Variants in FOXN3 observed in about 807,000 individuals in gnomAD.
FOXN3 encodes forkhead box protein N3.
A neutral mutation model predicts 38.4 loss-of-function variants in FOXN3; 7 were observed. The ratio of observed to expected loss-of-function variants is 0.18; its 90% confidence interval spans 0.10 to 0.34. The LOEUF (loss-of-function observed/expected upper bound fraction) is 0.34. Ranked by LOEUF, FOXN3 falls within the 10% of genes least tolerant of loss-of-function variation. The pLI is 1.00. For synonymous variants in FOXN3, 230 were observed against 242.2 expected, an observed-to-expected ratio of 0.95 and a Z score of 0.47; for missense variants, 456 against 613.4, an observed-to-expected ratio of 0.74 and a Z score of 2.71.
At chr14:89,223,741 G>T (rs541868825) in intron 4 of FOXN3, among the ~76,000 whole-genome samples, 3 of 152,136 alleles carry the variant, frequency 2.0e-5, no homozygotes, top group Non-Finnish European at 4.4e-5. Flanking sequence ...TGGAAGTCAG[G>T]GGGAGAGGCG....
intron 3 of FOXN3, among the ~76,000 whole-genome samples, chr14:89,325,345 A>ACTACCACCACTACCACCACCG (rs1888042253): frequency 7.6e-6 from 1 of 131,148 alleles, no homozygotes; most frequent in African/African-American, 2.8e-5. Flanking sequence ...CACCACCACC[A>ACTACCACCACTACCACCACCG]CCACCACCAC....
chr14:89,198,018 A>G (rs1478168877), intron 4 of FOXN3, among the ~76,000 whole-genome samples: 2 of 152,190 alleles, frequency 1.3e-5, no homozygotes, highest in African/African-American at 4.8e-5. Flanking sequence ...TGAAGAAAAA[A>G]TACAGTCAGC....
intron 1 of FOXN3, among the ~76,000 whole-genome samples, chr14:89,507,320 G>C (rs1893964063): frequency 6.6e-6 from 1 of 152,128 alleles, no homozygotes. Flanking sequence ...CAGGCAATCG[G>C]AGCTATCGAG....
chr14:89,558,763 G>C (rs2139875319), intron 1 of FOXN3, among the ~76,000 whole-genome samples: 1 of 152,310 alleles, frequency 6.6e-6, no homozygotes, highest in Admixed American at 6.5e-5. Flanking sequence ...CCAGAGGTGA[G>C]CAAGGAGCAG....
At chr14:89,430,550 C>G (rs902450952) in intron 1 of FOXN3, among the ~76,000 whole-genome samples, 1 of 152,198 alleles carries the variant, frequency 6.6e-6, no homozygotes, top group Non-Finnish European at 1.5e-5. Flanking sequence ...ACTGTCACTA[C>G]TAAAAGCATT....
chr14:89,611,769 G>A (rs187398736), intron 1 of FOXN3, among the ~76,000 whole-genome samples: 16 of 141,888 alleles, frequency 1.1e-4, no homozygotes, highest in Admixed American at 8.7e-4. Context: ...TCGTGCCACT[G>A]CACTCCAGCC....
intron 1 of FOXN3, among the ~76,000 whole-genome samples, chr14:89,542,851 T>C (rs1016270200): frequency 2.0e-5 from 3 of 152,216 alleles, no homozygotes; most frequent in African/African-American, 4.8e-5. Context: ...ATTATTAAAA[T>C]TGCATTTCAG....
chr14:89,508,864 C>A (rs374153540), intron 1 of FOXN3, among the ~76,000 whole-genome samples: 8 of 152,298 alleles, frequency 5.3e-5, no homozygotes, highest in African/African-American at 1.9e-4. Context: ...TGGAACAGCA[C>A]CACTGTGCCC....
intron 1 of FOXN3, among the ~76,000 whole-genome samples, chr14:89,598,191 C>T (rs1197300195): frequency 6.6e-6 from 1 of 152,104 alleles, no homozygotes; most frequent in African/African-American, 2.4e-5. Context: ...ACTTCATTAA[C>T]TTCTTTGGAT....
rs545620138 is a variant in FOXN3 at position 89,431,340 on chromosome 14, A to G, written c.-14-18850T>C. Among the ~76,000 whole-genome samples the G allele has an allele frequency of 1.5e-3, 232 of 152,014 alleles. No homozygotes were observed. The Middle Eastern group carries it at 0.034, about 22-fold the overall frequency. The stretch of plus-strand genomic sequence containing the variant: ...ATTCTCCTGCCTTAGCCTCCCAAGT[A>G]ACTGGGATGACAGGCGCCCACCACC... On this transcript the variant is annotated intron_variant, in intron 1 of 6. Coordinates refer to the FOXN3 transcript ENST00000345097.
chr14:89,350,227 G>A (rs1888913905), intron 3 of FOXN3: 2 of 152,816 alleles, frequency 1.3e-5, no homozygotes, highest in Admixed American at 1.3e-4. Context: ...TGGTCACCTG[G>A]GAGCACCGTC....
intron 1 of FOXN3, among the ~76,000 whole-genome samples, chr14:89,498,463 C>T (rs150320352): frequency 1.2e-3 from 188 of 152,064 alleles, no homozygotes; most frequent in African/African-American, 4.1e-3. Context: ...CCTTGTGATC[C>T]GCCCGCCTCT....
intron 4 of FOXN3, among the ~76,000 whole-genome samples, chr14:89,267,834 G>A (rs1886029658): frequency 6.6e-6 from 1 of 151,868 alleles, no homozygotes; most frequent in African/African-American, 2.4e-5. Flanking sequence ...GCCGTGGCAG[G>A]GGGTGAACAC....
intron 5 of FOXN3, among the ~76,000 whole-genome samples, chr14:89,175,986 A>G (rs900556040): frequency 2.6e-5 from 4 of 152,074 alleles, no homozygotes; most frequent in African/African-American, 9.7e-5. Context: ...GGTTCCATTC[A>G]ATGCAATCTC....
intron 1 of FOXN3, among the ~76,000 whole-genome samples, chr14:89,462,316 G>T (rs1892863971): frequency 6.6e-6 from 1 of 152,150 alleles, no homozygotes; most frequent in African/African-American, 2.4e-5. Context: ...ACTGTCAAAA[G>T]CCACCTCACC....
chr14:89,427,267 G>GA (rs1892057020), intron 1 of FOXN3, among the ~76,000 whole-genome samples: 1 of 116,570 alleles, frequency 8.6e-6, no homozygotes, highest in Non-Finnish European at 1.8e-5. Context: ...AGAAAAAGAA[G>GA]AAAAAAAGCA....
chr14:89,315,965 C>T (rs920910711), intron 3 of FOXN3, among the ~76,000 whole-genome samples: 1 of 152,166 alleles, frequency 6.6e-6, no homozygotes, highest in Non-Finnish European at 1.5e-5. Flanking sequence ...TTTCCCTTCT[C>T]CCAAGATCCT....
At chr14:89,604,247 GCACACACACGCGCGCGCA>G (rs1896221794) in intron 1 of FOXN3, among the ~76,000 whole-genome samples, 1 of 126,844 alleles carries the variant, frequency 7.9e-6, no homozygotes, top group African/African-American at 3.0e-5. Context: ...ACACGTGCGC[GCACACACACGCGCGCGCA>G]CACACACAGA....
intron 4 of FOXN3, among the ~76,000 whole-genome samples, chr14:89,269,688 G>A (rs1421867051): frequency 2.6e-5 from 4 of 151,976 alleles, no homozygotes; most frequent in South Asian, 2.1e-4. Context: ...AGCAAGTGCC[G>A]GAGAGGTGGC....
Sources: gnomAD v4.1 joint callset for allele counts (sites outside exome capture counted in the v4.1 genomes callset) on GRCh38, gnomAD v4.1.1 for gene constraint, MANE v1.5 for transcripts, NCBI Gene and HGNC (gene_info 2026-07-23, HGNC 2026-07-21) for gene names.